The following GAS2 variants were observed in gnomAD, a reference collection of about 807,000 sequenced individuals.
The protein encoded by GAS2 is growth arrest-specific protein 2.
A neutral mutation model predicts 37.5 loss-of-function variants in GAS2; 20 were observed. That is an observed-to-expected ratio of 0.53 (90% confidence interval 0.37 to 0.77). GAS2 has a LOEUF of 0.77. GAS2 is among the 30% of genes least tolerant of loss of function. The probability of loss-of-function intolerance (pLI) is 0.00; values close to 1 mark genes in which losing one functional copy is unlikely to be tolerated. For missense variants in GAS2, 336 were observed against 373.4 expected, an observed-to-expected ratio of 0.90 and a Z score of 0.82; for synonymous variants, 144 against 132.2, an observed-to-expected ratio of 1.09 and a Z score of -0.61.
At chr11:22,636,351 C>A (rs1704509627) in intron 1 of GAS2, among the ~76,000 whole-genome samples, 2 of 152,126 alleles carry the variant, frequency 1.3e-5, no homozygotes. Context: ...CACAAACAAC[C>A]TACCTCACGG....
intron 3 of GAS2, among the ~76,000 whole-genome samples, chr11:22,691,408 CTCA>C (rs1180705735): frequency 1.3e-5 from 2 of 152,128 alleles, no homozygotes; most frequent in Non-Finnish European, 2.9e-5. Flanking sequence ...TAGAGAACAT[CTCA>C]TCAAGATTTA....
intron 7 of GAS2, among the ~76,000 whole-genome samples, chr11:22,785,197 A>C (rs1360861953): frequency 2.0e-5 from 3 of 152,118 alleles, no homozygotes; most frequent in African/African-American, 7.2e-5. Context: ...CAAAAACAAA[A>C]ATCCCCCCAT....
chr11:22,641,240 G>A (rs1366897497), intron 1 of GAS2, among the ~76,000 whole-genome samples: 5 of 141,100 alleles, frequency 3.5e-5, no homozygotes, highest in Non-Finnish European at 7.7e-5. Context: ...ATATATATAT[G>A]TGTATATATA....
At chr11:22,784,747 T>A (rs1285748309) in intron 7 of GAS2, among the ~76,000 whole-genome samples, 1 of 152,198 alleles carries the variant, frequency 6.6e-6, no homozygotes, top group East Asian at 1.9e-4. Context: ...TTCTCATAAG[T>A]AGCCTAAATC....
At chr11:22,740,811 A>G (rs1226803080) in intron 5 of GAS2, among the ~76,000 whole-genome samples, 1 of 152,198 alleles carries the variant, frequency 6.6e-6, no homozygotes, top group Admixed American at 6.5e-5. Context: ...TCACAGACCC[A>G]TAGAGGATTA....
intron 2 of GAS2, among the ~76,000 whole-genome samples, chr11:22,682,833 C>T (rs2133929085): frequency 7.5e-6 from 1 of 133,250 alleles, no homozygotes; most frequent in South Asian, 2.4e-4. Flanking sequence ...CGAGATCGCA[C>T]CACTGCACTC....
intron 4 of GAS2, among the ~76,000 whole-genome samples, chr11:22,730,961 T>A (rs1469329230): frequency 2.0e-5 from 3 of 151,778 alleles, no homozygotes; most frequent in African/African-American, 7.2e-5. Flanking sequence ...TGGGGCTAAG[T>A]TTTACAATTT....
intron 1 of GAS2, among the ~76,000 whole-genome samples, chr11:22,651,299 G>A (rs1848772569): frequency 6.6e-6 from 1 of 152,314 alleles, no homozygotes; most frequent in Non-Finnish European, 1.5e-5. Context: ...CTGTTAGTCT[G>A]ATGGGCTTCC....
chr11:22,721,351 T>G (rs1312026062), intron 3 of GAS2, among the ~76,000 whole-genome samples: 1 of 152,026 alleles, frequency 6.6e-6, no homozygotes, highest in Non-Finnish European at 1.5e-5. Context: ...ATAGAATTAG[T>G]TATGAATGCG....
At chr11:22,637,015 T>C (rs1858832294) in intron 1 of GAS2, among the ~76,000 whole-genome samples, 1 of 136,966 alleles carries the variant, frequency 7.3e-6, no homozygotes, top group Non-Finnish European at 1.5e-5. Flanking sequence ...TTTATATTAT[T>C]ATATATTATA....
intron 7 of GAS2, among the ~76,000 whole-genome samples, chr11:22,773,886 A>G (rs1855116908): frequency 6.6e-6 from 1 of 152,238 alleles, no homozygotes; most frequent in South Asian, 2.1e-4. Flanking sequence ...TCACATAGCC[A>G]GAGGCTAGTG....
At chr11:22,696,626 A>T (rs1224972247) in intron 3 of GAS2, among the ~76,000 whole-genome samples, 3 of 151,490 alleles carry the variant, frequency 2.0e-5, no homozygotes, top group Non-Finnish European at 4.4e-5. Flanking sequence ...CTTTTTAATG[A>T]TTGCCATTCT....
At chr11:22,663,508 G>A (rs1848939667), upstream of GAS2, among the ~76,000 whole-genome samples, 2 of 151,956 alleles carry the variant, frequency 1.3e-5, no homozygotes, top group African/African-American at 4.8e-5. Context: ...GTAAAAATTA[G>A]AAAACATATG....
intron 4 of GAS2, among the ~76,000 whole-genome samples, chr11:22,734,573 C>T (rs1447277116): frequency 2.6e-5 from 4 of 151,232 alleles, no homozygotes; most frequent in Admixed American, 6.6e-5. Flanking sequence ...TAATATTAAT[C>T]GACTAAACCA....
chr11:22,800,055 G>A (rs1007128484), intron 7 of GAS2, among the ~76,000 whole-genome samples: 25 of 152,066 alleles, frequency 1.6e-4, no homozygotes, highest in African/African-American at 6.0e-4. Context: ...TGTTGAGTGG[G>A]CCTGGGCTCA....
intron 1 of GAS2, among the ~76,000 whole-genome samples, chr11:22,651,766 C>T (rs1848779406): frequency 6.6e-6 from 1 of 152,194 alleles, no homozygotes; most frequent in South Asian, 2.1e-4. Flanking sequence ...GTTTTCAGCT[C>T]CATCAGCTCC....
At chr11:22,639,776 A>G (rs1460392061) in intron 1 of GAS2, among the ~76,000 whole-genome samples, 1 of 152,186 alleles carries the variant, frequency 6.6e-6, no homozygotes, top group Non-Finnish European at 1.5e-5. Context: ...TCAGTAGGCC[A>G]TAATAGACTG....
chr11:22,634,860 T>A (rs951936424), intron 1 of GAS2, among the ~76,000 whole-genome samples: 1 of 152,184 alleles, frequency 6.6e-6, no homozygotes, highest in Non-Finnish European at 1.5e-5. Context: ...CCTTAATGTG[T>A]TGCTATTCTC....
chr11:22,678,205 T>C lies in GAS2; in HGVS notation c.145+3191T>C, dbSNP rs183403988. 2.2e-3 allele frequency among the ~76,000 whole-genome samples: 340 copies of C among 152,254 alleles called. 3 individuals are homozygous for C. Among genetic ancestry groups the C allele is most frequent in the Non-Finnish European group, 9.3e-4 (63 of 68,000 alleles). On this transcript the variant is annotated intron_variant, in intron 2 of 7. Coordinates refer to ENST00000454584, the MANE Select transcript of GAS2 (RefSeq NM_001143830.3). The stretch of plus-strand genomic sequence containing the variant: ...ATAACTTGAGATTATTAAAAAGTGG[T>C]AAAACATTTGGAGGTAGAAAAATGC...
Sources: allele counts gnomAD v4.1 joint callset (sites outside exome capture counted in the v4.1 genomes callset), GRCh38; gene constraint gnomAD v4.1.1; transcripts MANE v1.5; gene names NCBI Gene and HGNC (gene_info 2026-07-23, HGNC 2026-07-21).